The following MYH9 variants were observed in gnomAD, a reference collection of about 807,000 sequenced individuals.
The protein encoded by MYH9 is myosin-9.
A neutral mutation model predicts 241.9 loss-of-function variants in MYH9; 29 were observed. That is an observed-to-expected ratio of 0.12 (90% CI 0.09 to 0.16). MYH9 has a LOEUF of 0.16. Ranked by LOEUF, MYH9 falls within the 10% of genes least tolerant of loss-of-function variation. The probability of loss-of-function intolerance (pLI) is 1.00; values close to 1 mark genes in which losing one functional copy is unlikely to be tolerated. For synonymous variants in MYH9, 1,047 were observed against 1,062.6 expected, an observed-to-expected ratio of 0.99 and a Z score of 0.29; for missense variants, 1,803 against 2,595.5, an observed-to-expected ratio of 0.69 and a Z score of 6.63.
chr22:36,287,881 G>T (rs113556463), intron 34 of MYH9, among the ~76,000 whole-genome samples: 1 of 152,102 alleles, frequency 6.6e-6, no homozygotes, highest in Non-Finnish European at 1.5e-5. Context: ...CCCACACTCC[G>T]GGCTGCTTCT....
chr22:36,301,890 T>C (rs1445470440), intron 20 of MYH9, among the ~76,000 whole-genome samples: 1 of 152,166 alleles, frequency 6.6e-6, no homozygotes, highest in African/African-American at 2.4e-5. Context: ...TGCGTGAAGA[T>C]GTTCACCTCG....
At chr22:36,365,750 C>A (rs978979605) in intron 1 of MYH9, among the ~76,000 whole-genome samples, 1 of 152,138 alleles carries the variant, frequency 6.6e-6, no homozygotes, top group Non-Finnish European at 1.5e-5. Context: ...CATGAGCCAC[C>A]GCACCCGGCC....
chr22:36,325,309 G>A (rs1446363840), intron 5 of MYH9, among the ~76,000 whole-genome samples: 1 of 152,234 alleles, frequency 6.6e-6, no homozygotes, highest in Non-Finnish European at 1.5e-5. Context: ...TTCGGTTCCA[G>A]AAGACTGTAC....
chr22:36,376,579 T>G (rs1479837179), intron 1 of MYH9, among the ~76,000 whole-genome samples: 1 of 152,196 alleles, frequency 6.6e-6, no homozygotes, highest in Non-Finnish European at 1.5e-5. Context: ...GCGGACTGAC[T>G]TGGCAAAGGG....
intron 1 of MYH9, among the ~76,000 whole-genome samples, chr22:36,365,850 C>T (rs1281636812): frequency 6.6e-6 from 1 of 152,328 alleles, no homozygotes; most frequent in Middle Eastern, 3.4e-3. Context: ...ATGCTATTCA[C>T]TCTGATTCTT....
In MYH9 at chr22:36,322,420, G is replaced by A. The variant is rs397516781; in HGVS notation, c.705+9C>T. ...GTCCCCAGAGCCGGGGCGCCGCCGC[G>A]CTACTCACGAAGCGGGAGGAGTTGT... On this transcript the variant is annotated intron_variant, in intron 6 of 40. Coordinates refer to ENST00000216181, the MANE Select transcript of MYH9 (RefSeq NM_002473.6). 6.2e-5 allele frequency: 100 copies of A among 1,613,582 alleles called. 2 individuals carry two copies. Among genetic ancestry groups the A allele is most frequent in the South Asian group, 1.2e-4 (11 of 91,090 alleles).
At chr22:36,302,519 GGTGTGCACCCGTA>G (rs1156841759) in intron 20 of MYH9, 36 bp downstream of exon 20, 2 of 1,431,642 alleles carry the variant, frequency 1.4e-6, no homozygotes, top group African/African-American at 2.8e-5. Flanking sequence ...TATGTATGGT[GGTGTGCACCCGTA>G]GTCCCAGCTA....
At chr22:36,327,732 G>A (rs1011468818) in intron 3 of MYH9, among the ~76,000 whole-genome samples, 5 of 152,296 alleles carry the variant, frequency 3.3e-5, no homozygotes, top group Non-Finnish European at 5.9e-5. Context: ...GCCCCCACCA[G>A]AAAACCAGAA....
chr22:36,286,918 T>C lies in MYH9; in HGVS notation c.4933-72A>G, dbSNP rs750011407. On this transcript the variant is annotated intron_variant, in intron 34 of 40. Coordinates refer to ENST00000216181, the MANE Select transcript of MYH9 (RefSeq NM_002473.6). ...TCCACCCCAACCCTCATGGGTCACC[T>C]CGCCAACAGGGCTCATGGCTGGTGC... is the stretch of plus-strand genomic sequence containing the variant. 19 of 1,593,940 alleles carry C rather than the reference T, an allele frequency of 1.2e-5. No individual in the cohort carries two copies. In the Admixed American group the frequency reaches 3.2e-4, roughly 27 times the overall value.
intron 1 of MYH9, among the ~76,000 whole-genome samples, chr22:36,380,394 G>C (rs1030437403): frequency 3.3e-5 from 5 of 152,204 alleles, no homozygotes; most frequent in Non-Finnish European, 7.3e-5. Context: ...GGGGAAACTG[G>C]GGACAGAGTG....
intron 1 of MYH9, among the ~76,000 whole-genome samples, chr22:36,349,756 AG>A (rs1432583722): frequency 6.6e-6 from 1 of 152,186 alleles, no homozygotes; most frequent in Non-Finnish European, 1.5e-5. Flanking sequence ...ACTAATGGTA[AG>A]GTGTATCGCC....
intron 20 of MYH9, among the ~76,000 whole-genome samples, chr22:36,301,903 A>G (rs1335335422): frequency 6.6e-6 from 1 of 152,174 alleles, no homozygotes; most frequent in Non-Finnish European, 1.5e-5. Context: ...TCACCTCGGC[A>G]TTGTTTATCA....
chr22:36,286,237 G>C (rs772443544), intron 35 of MYH9, among the ~76,000 whole-genome samples: 7 of 152,244 alleles, frequency 4.6e-5, no homozygotes, highest in Non-Finnish European at 7.3e-5. Flanking sequence ...AGACCACGTG[G>C]ACAGAGTCAC....
In MYH9 at chr22:36,349,183, G is replaced by T. The variant is rs748468366; in HGVS notation, c.54C>A (p.Asn18Lys). 7 of 1,614,108 alleles carry T rather than the reference G, an allele frequency of 4.3e-6. No individual in the cohort carries two copies. In the African/African-American group the frequency reaches 9.3e-5, roughly 22 times the overall value. Residue 18 changes from asparagine (N) to lysine (K), a missense_variant, in exon 2 of 41, where the codon AAC becomes AAA. Physicochemically the swap from Asn to Lys is moderately conservative, Grantham distance 94 (BLOSUM62 0). Around this residue, in one of 11 missense-constraint regions of MYH9, gnomAD observed 75 missense variants for 79.1 expected, o/e 0.95. Transcript: ENST00000216181. ...CCCAGTCGGCCTGGGCCAGCGGATT[G>T]TTGATGAAGTTTTTATCCACATAGA... ...KYLYVDKNFI[N>K]NPLAQADWAA...
intron 40 of MYH9, among the ~76,000 whole-genome samples, chr22:36,283,373 C>A (rs1194854145): frequency 6.6e-6 from 1 of 151,782 alleles, no homozygotes; most frequent in Non-Finnish European, 1.5e-5. Context: ...CCCGTCTCCA[C>A]TAAAAATACA....
At chr22:36,314,500 T>A (rs2017118716) in intron 12 of MYH9, among the ~76,000 whole-genome samples, 182 bp from the exon 13 acceptor site, 1 of 152,272 alleles carries the variant, frequency 6.6e-6, no homozygotes, top group Admixed American at 6.5e-5. Flanking sequence ...GTGGGCAACA[T>A]TTACTCTTTG....
At chr22:36,363,891 G>C (rs2146408716) in intron 1 of MYH9, among the ~76,000 whole-genome samples, 1 of 152,224 alleles carries the variant, frequency 6.6e-6, no homozygotes, top group East Asian at 1.9e-4. Flanking sequence ...ACCCCCAGGA[G>C]GGGGAACTTG....
At position 36,282,395 on chromosome 22, in the gene MYH9, G is replaced by A. The variant is rs1021214858; in HGVS notation, c.*273C>T. On this transcript the variant is annotated 3_prime_UTR_variant, in exon 41 of 41. Coordinates refer to ENST00000216181, the MANE Select transcript of MYH9 (RefSeq NM_002473.6). ...TGCTTTTTGGCAAGAGAGGGCTGAG[G>A]AGCCTGCTGGTCGCTCTCTGCCTGG... is the stretch of plus-strand genomic sequence containing the variant. 9 of 589,978 alleles carry A rather than the reference G, an allele frequency of 1.5e-5. No homozygotes were observed. Among genetic ancestry groups the A allele is most frequent in the East Asian group, 1.4e-4 (5 of 35,308 alleles). 36.5% of individuals were successfully genotyped at this position (589,978 alleles called of 1,614,324 possible).
rs1224080291 is a variant in MYH9 at position 36,300,295 on chromosome 22, G to A, written c.2839-31C>T. ...GGGGGCCAGAGACACGGTAAGGACA[G>A]CAGGCCCAGAGGCATGGCCAAGGTG... On this transcript the variant is annotated intron_variant, in intron 22 of 40. Coordinates refer to ENST00000216181, the MANE Select transcript of MYH9 (RefSeq NM_002473.6). The surrounding 1 kb of genome is among the most constrained non-coding windows in gnomAD (Gnocchi z 5.0). The A allele has an allele frequency of 1.9e-6, 3 of 1,610,488 alleles. No individual in the cohort carries two copies. Among genetic ancestry groups the A allele is most frequent in the Non-Finnish European group, 2.5e-6 (3 of 1,180,024 alleles).
Sources: gnomAD v4.1 joint callset for allele counts (sites outside exome capture counted in the v4.1 genomes callset) on GRCh38, gnomAD v4.1.1 for gene constraint, gnomAD v4.1.1 regional missense constraint, Gnocchi (gnomAD v3.1) non-coding constraint, MANE v1.5 for transcripts, NCBI Gene and HGNC (gene_info 2026-07-23, HGNC 2026-07-21) for gene names.